EVA1A: variants seen among roughly 807,000 people sequenced by gnomAD.
EVA1A encodes the protein protein eva-1 homolog A.
In EVA1A, 7 loss-of-function variants were observed where a neutral mutation model predicts 9.8. The ratio of observed to expected loss-of-function variants is 0.71; its 90% CI spans 0.41 to 1.34. EVA1A has a LOEUF of 1.34. EVA1A is among the 40% of genes most tolerant of loss of function. The probability of loss-of-function intolerance (pLI) is 0.01; values close to 1 mark genes in which losing one functional copy is unlikely to be tolerated. For missense variants in EVA1A, 206 were observed against 205.9 expected (o/e 1.00, Z 0.00); for synonymous variants, 90 against 85.6 (o/e 1.05, Z -0.28).
chr2:75,494,292 T>G (rs1674129917), intron 3 of EVA1A, among the ~76,000 whole-genome samples: 1 of 152,242 alleles, frequency 6.6e-6, no homozygotes, highest in Non-Finnish European at 1.5e-5. Context: ...CAGGGTCATC[T>G]GCAGAACTTA....
chr2:75,566,094 G>A (rs1018802112), intron 1 of EVA1A, among the ~76,000 whole-genome samples: 2 of 152,120 alleles, frequency 1.3e-5, no homozygotes, highest in Non-Finnish European at 2.9e-5. Context: ...CATTAACCAA[G>A]TGGCATTTAC....
chr2:75,535,597 G>A (rs1312945420), intron 1 of EVA1A, among the ~76,000 whole-genome samples: 1 of 152,192 alleles, frequency 6.6e-6, no homozygotes, highest in Non-Finnish European at 1.5e-5. Context: ...TTCATCAGTT[G>A]AATGCCATAA....
intron 1 of EVA1A, among the ~76,000 whole-genome samples, chr2:75,535,167 T>C (rs889721286): frequency 4.0e-5 from 6 of 151,644 alleles, no homozygotes; most frequent in Non-Finnish European, 5.9e-5. Context: ...CCAACAAATA[T>C]ATGAAAAAAT....
Position 75,493,270 on chromosome 2 carries a change from A to G in EVA1A, c.425T>C (p.Val142Ala). 6.2e-7 allele frequency: 1 copy of G among 1,613,624 alleles called. No homozygotes were observed. The highest frequency in any genetic ancestry group is 8.5e-7 in the Non-Finnish European group (1 of 1,179,842). ...GCGATTCAGGCTCCTGGTCCCGGGC[A>G]CCTCAGGCTGGCCATTCATCCAGAT... Reference protein sequence around the residue: ...REIWMNGQPEVPGTRSLNRYY With the variant: ...REIWMNGQPEAPGTRSLNRYY Residue 142 changes from valine (V) to alanine (A), a missense_variant, in exon 4 of 4, where the codon GTG becomes GCG. Physicochemically the swap from Val to Ala is moderately conservative, Grantham distance 64. Transcript: ENST00000393913.
At chr2:75,555,189 A>C (rs1395990662) in intron 1 of EVA1A, among the ~76,000 whole-genome samples, 4 of 152,188 alleles carry the variant, frequency 2.6e-5, no homozygotes, top group African/African-American at 9.7e-5. Context: ...GGCTCAAAGA[A>C]AGACTGCAAA....
Position 75,493,144 on chromosome 2 carries a change from G to T in EVA1A, c.*92C>A. 1 of 1,480,924 alleles carries T rather than the reference G, an allele frequency of 6.8e-7. No individual in the cohort carries two copies. Among genetic ancestry groups the T allele is most frequent in the Non-Finnish European group, 9.1e-7 (1 of 1,103,922 alleles). The allele number at this position is 1,480,924 out of a possible 1,614,324, so 91.7% of individuals were successfully genotyped here. ...CTTTTTCTCTGAAATCACAATATTA[G>T]CAGAGCTGGGTTCAGTTCCTTGTGC... On this transcript the variant is annotated 3_prime_UTR_variant, in exon 4 of 4. Transcript: ENST00000393913.
rs771807726 is a variant in EVA1A, at chr2:75,493,406, C to T, written c.289G>A (p.Val97Met). 9 of 1,614,114 alleles carry T rather than the reference C, an allele frequency of 5.6e-6. No individual in the cohort carries two copies. Among genetic ancestry groups the T allele is most frequent in the South Asian group, 3.3e-5 (3 of 91,092 alleles). ...CTCTCGAAGCGGCGGTGTCTCCGCACGGAGAGATCGGACACGGTGTCCTCA... is the reference window on the plus strand; with the variant it reads ...CTCTCGAAGCGGCGGTGTCTCCGCATGGAGAGATCGGACACGGTGTCCTCA... ...GSEDTVSDLS[V>M]RRHRRFERTL... The change falls in exon 4 of 4, where the codon GTG becomes ATG. Residue 97 changes from valine (V) to methionine (M), a missense_variant. Val to Met is a conservative substitution (Grantham distance 21). Transcript: ENST00000393913.
At chr2:75,500,311 C>T (rs1010105060) in intron 3 of EVA1A, among the ~76,000 whole-genome samples, 1 of 152,160 alleles carries the variant, frequency 6.6e-6, no homozygotes, top group Admixed American at 6.5e-5. Context: ...GATGACGGAT[C>T]ACTCTGATTT....
At chr2:75,518,365 CT>C (rs1675091418) in intron 2 of EVA1A, among the ~76,000 whole-genome samples, 157 bp from the exon 3 acceptor site, 1 of 152,158 alleles carries the variant, frequency 6.6e-6, no homozygotes, top group African/African-American at 2.4e-5. Flanking sequence ...GCCAGCCCCA[CT>C]TTTTTGGGGG....
chr2:75,530,806 T>C, intron 1 of EVA1A, among the ~76,000 whole-genome samples: 1 of 152,072 alleles, frequency 6.6e-6, no homozygotes, highest in East Asian at 1.9e-4. Flanking sequence ...ATACTGAATG[T>C]GGAAAAGTTG....
chr2:75,513,278 C>T (rs937285554), intron 3 of EVA1A, among the ~76,000 whole-genome samples: 2 of 152,118 alleles, frequency 1.3e-5, no homozygotes, highest in African/African-American at 4.8e-5. Flanking sequence ...GTGGTAAAAG[C>T]ACCTAAAATC....
intron 3 of EVA1A, among the ~76,000 whole-genome samples, chr2:75,510,980 G>A (rs10181917): frequency 0.39 from 59,858 of 152,012 alleles, 12,226 homozygotes; most frequent in African/African-American, 0.49. Flanking sequence ...GTCTGCTCTC[G>A]TGCTACAATG....
intron 3 of EVA1A, among the ~76,000 whole-genome samples, chr2:75,510,001 A>T (rs77467559): frequency 1.3e-5 from 2 of 152,154 alleles, no homozygotes; most frequent in African/African-American, 4.8e-5. Flanking sequence ...GCTGGGTGAC[A>T]GGTCTATTAT....
chr2:75,564,111 G>A (rs539060350), upstream of EVA1A, among the ~76,000 whole-genome samples: 57 of 152,196 alleles, frequency 3.7e-4, no homozygotes, highest in Non-Finnish European at 5.0e-4. Context: ...GCTAGACTAG[G>A]GCAAATTCTC....
intron 3 of EVA1A, among the ~76,000 whole-genome samples, chr2:75,502,072 A>C (rs893688739): frequency 6.6e-6 from 1 of 152,220 alleles, no homozygotes; most frequent in Non-Finnish European, 1.5e-5. Flanking sequence ...TTATTGCCCA[A>C]CTCATGCAAT....
At chr2:75,496,550 A>G (rs1169118378) in intron 3 of EVA1A, among the ~76,000 whole-genome samples, 1 of 152,202 alleles carries the variant, frequency 6.6e-6, no homozygotes, top group Non-Finnish European at 1.5e-5. Flanking sequence ...ACAAATAGAA[A>G]AATACTCCAT....
intron 1 of EVA1A, among the ~76,000 whole-genome samples, chr2:75,567,583 C>G (rs1677050393): frequency 6.6e-6 from 1 of 152,214 alleles, no homozygotes. Context: ...CTAACCAGAA[C>G]AGATTATTGA....
chr2:75,526,917 C>A (rs1675465660), intron 1 of EVA1A, among the ~76,000 whole-genome samples: 1 of 152,114 alleles, frequency 6.6e-6, no homozygotes, highest in Admixed American at 6.5e-5. Flanking sequence ...CAGAGATGGT[C>A]TGAAAGACTT....
intron 1 of EVA1A, among the ~76,000 whole-genome samples, chr2:75,568,320 A>G: frequency 6.6e-6 from 1 of 150,810 alleles, no homozygotes; most frequent in East Asian, 1.9e-4. Flanking sequence ...ATCAATAATT[A>G]TTATTAAATA....
Sources: allele counts gnomAD v4.1 joint callset (sites outside exome capture counted in the v4.1 genomes callset), GRCh38; gene constraint gnomAD v4.1.1; transcripts MANE v1.5; gene names NCBI Gene and HGNC (gene_info 2026-07-23, HGNC 2026-07-21).